The following FYN variants were observed in gnomAD, a reference collection of about 807,000 sequenced individuals.
FYN encodes FYN proto-oncogene, Src family tyrosine kinase, also known as tyrosine-protein kinase Fyn.
FYN carries 10 observed loss-of-function variants against 70.2 expected under a neutral mutation model. The observed-to-expected ratio is 0.14, with a 90% CI of 0.09 to 0.24. FYN has a LOEUF of 0.24. FYN is among the 10% of genes least tolerant of loss of function. The pLI, the probability that FYN is intolerant of heterozygous loss-of-function variation, is 1.00. For missense variants in FYN, 319 were observed against 673.1 expected, an observed-to-expected ratio of 0.47 and a Z score of 5.82; for synonymous variants, 236 against 248.6, an observed-to-expected ratio of 0.95 and a Z score of 0.48.
intron 2 of FYN, among the ~76,000 whole-genome samples, chr6:111,835,630 AT>A (rs557545110): frequency 2.0e-5 from 3 of 149,882 alleles, no homozygotes; most frequent in African/African-American, 4.9e-5. Flanking sequence ...TAAACATTTG[AT>A]TTTTTTTTAG....
chr6:111,822,519 T>C (rs1658050155), intron 2 of FYN, among the ~76,000 whole-genome samples: 1 of 151,900 alleles, frequency 6.6e-6, no homozygotes, highest in African/African-American at 2.4e-5. Context: ...TTAGGAGATA[T>C]ACCTAATGTA....
chr6:111,862,184 C>T (rs1773982718), intron 1 of FYN, among the ~76,000 whole-genome samples: 1 of 152,176 alleles, frequency 6.6e-6, no homozygotes, highest in Non-Finnish European at 1.5e-5. Flanking sequence ...TCTGCATTTT[C>T]TCTCTGCTCT....
intron 8 of FYN, among the ~76,000 whole-genome samples, chr6:111,700,994 AAC>A (rs1799809411): frequency 6.6e-6 from 1 of 152,086 alleles, no homozygotes; most frequent in African/African-American, 2.4e-5. Context: ...AAAAAAAAAA[AAC>A]AACTTTTTAA....
chr6:111,856,231 C>T (rs1773819952), intron 1 of FYN, among the ~76,000 whole-genome samples: 1 of 152,168 alleles, frequency 6.6e-6, no homozygotes, highest in Admixed American at 6.5e-5. Flanking sequence ...AGAGCTTCCA[C>T]TGAGCAGAAT....
chr6:111,863,888 C>T (rs779227820), intron 1 of FYN, among the ~76,000 whole-genome samples: 2 of 152,142 alleles, frequency 1.3e-5, no homozygotes, highest in South Asian at 2.1e-4. Flanking sequence ...CCGCCTGCTC[C>T]CACTACTCTA....
chr6:111,778,085 C>T (rs1265539570), intron 3 of FYN, among the ~76,000 whole-genome samples: 2 of 152,216 alleles, frequency 1.3e-5, no homozygotes, highest in Non-Finnish European at 2.9e-5. Context: ...CTGTGCTCCT[C>T]GTGGGCCAGA....
chr6:111,723,814 A>C (rs983615361), intron 3 of FYN, among the ~76,000 whole-genome samples: 2 of 152,254 alleles, frequency 1.3e-5, no homozygotes, highest in African/African-American at 4.8e-5. Context: ...GTGACATAGA[A>C]TGTACTAATT....
At chr6:111,754,968 G>GAT (rs1156626186) in intron 3 of FYN, among the ~76,000 whole-genome samples, 3 of 142,794 alleles carry the variant, frequency 2.1e-5, no homozygotes, top group Non-Finnish European at 4.6e-5. Context: ...AATTTAAGCT[G>GAT]TTTTTTTTTT....
chr6:111,777,898 G>A (rs1336669685), intron 3 of FYN, among the ~76,000 whole-genome samples: 1 of 152,208 alleles, frequency 6.6e-6, no homozygotes, highest in Admixed American at 6.5e-5. Flanking sequence ...GCCTGTAAGA[G>A]GATGAGCTGC....
intron 3 of FYN, among the ~76,000 whole-genome samples, chr6:111,776,709 C>G (rs943466710): frequency 6.6e-6 from 1 of 152,140 alleles, no homozygotes; most frequent in African/African-American, 2.4e-5. Context: ...CCAAAATATA[C>G]TTCACAAAAA....
intron 2 of FYN, among the ~76,000 whole-genome samples, chr6:111,845,492 C>A (rs1437343250): frequency 6.6e-6 from 1 of 152,172 alleles, no homozygotes; most frequent in African/African-American, 2.4e-5. Flanking sequence ...AAGCTAGGTG[C>A]CTGCATGGGG....
chr6:111,710,660 C>T (rs1800329176), intron 5 of FYN, among the ~76,000 whole-genome samples: 1 of 152,048 alleles, frequency 6.6e-6, no homozygotes, highest in African/African-American at 2.4e-5. Flanking sequence ...CATGTTGAGC[C>T]TAGAGAGGCT....
intron 1 of FYN, among the ~76,000 whole-genome samples, chr6:111,853,487 C>G (rs1773742518): frequency 6.6e-6 from 1 of 151,960 alleles, no homozygotes; most frequent in Non-Finnish European, 1.5e-5. Context: ...AGCTTAAAAT[C>G]TAGTTGGGGA....
chr6:111,811,185 G>A (rs2114305899), intron 2 of FYN, among the ~76,000 whole-genome samples: 1 of 152,302 alleles, frequency 6.6e-6, no homozygotes, highest in African/African-American at 2.4e-5. Context: ...ACAAGATACA[G>A]AAAGTTTTTA....
At chr6:111,812,715 A>G (rs2114316060) in intron 2 of FYN, among the ~76,000 whole-genome samples, 1 of 150,580 alleles carries the variant, frequency 6.6e-6, no homozygotes, top group East Asian at 2.0e-4. Context: ...GAGGCCAGAG[A>G]CAAGTCTCCT....
At chr6:111,805,304 G>A (rs1215651444) in intron 2 of FYN, among the ~76,000 whole-genome samples, 1 of 152,202 alleles carries the variant, frequency 6.6e-6, no homozygotes, top group East Asian at 1.9e-4. Context: ...CTAAGCCATT[G>A]TGAACACTGC....
intron 1 of FYN, among the ~76,000 whole-genome samples, chr6:111,864,634 C>T (rs992717066): frequency 6.6e-6 from 1 of 152,016 alleles, no homozygotes; most frequent in Admixed American, 6.5e-5. Context: ...TCTCAAGAGG[C>T]AGTAGGTTTT....
chr6:111,686,758 C>T (rs369224198), intron 12 of FYN, among the ~76,000 whole-genome samples: 10 of 152,026 alleles, frequency 6.6e-5, no homozygotes, highest in African/African-American at 1.7e-4. Context: ...CATGTGCTGA[C>T]GGGGGCAGAG....
chr6:111,723,185 C>T (rs1801034283), intron 3 of FYN, among the ~76,000 whole-genome samples: 1 of 152,130 alleles, frequency 6.6e-6, no homozygotes. Flanking sequence ...TCAAAATCCA[C>T]TTTAAAAAAG....
Sources: gnomAD v4.1 joint callset for allele counts (sites outside exome capture counted in the v4.1 genomes callset) on GRCh38, gnomAD v4.1.1 for gene constraint, MANE v1.5 for transcripts, NCBI Gene and HGNC (gene_info 2026-07-23, HGNC 2026-07-21) for gene names.